Variants in FAM228B observed in about 807,000 individuals in gnomAD.
The protein encoded by FAM228B is family with sequence similarity 228 member B.
In FAM228B, 38 loss-of-function variants were observed where a neutral mutation model predicts 42.6. The ratio of observed to expected loss-of-function variants is 0.89; its 90% confidence interval spans 0.69 to 1.17. The LOEUF is 1.17. Among genes scored for constraint, FAM228B ranks in the 50% most tolerant of loss-of-function variants. FAM228B has a pLI of 0.00. For synonymous variants in FAM228B, 109 were observed against 122.3 expected (o/e 0.89, Z 0.72); for missense variants, 344 against 367.3 (o/e 0.94, Z 0.52).
intron 2 of FAM228B, among the ~76,000 whole-genome samples, chr2:24,133,528 AC>A (rs1423321232): frequency 4.5e-4 from 68 of 152,314 alleles, no homozygotes; most frequent in Non-Finnish European, 5.9e-5. Flanking sequence ...ACTTTCACTG[AC>A]AGTTAACTTG....
At chr2:24,169,634 CCTCA>C (rs1272041655) in exon 11 of FAM228B, 1 of 258,886 alleles carries the variant, frequency 3.9e-6, no homozygotes, top group Non-Finnish European at 8.4e-6. The surrounding 1 kb of genome is among the most constrained non-coding windows in gnomAD (Gnocchi z 4.2). Flanking sequence ...ATTACAGCTC[CCTCA>C]CTAAGTGTCC....
At chr2:24,079,937 T>C (rs760363635) in intron 1 of FAM228B, among the ~76,000 whole-genome samples, 2 of 152,150 alleles carry the variant, frequency 1.3e-5, no homozygotes, top group Non-Finnish European at 2.9e-5. Flanking sequence ...CCAGGCACGA[T>C]TGAGAACAGA....
chr2:24,149,995 A>T (rs1238269339), intron 7 of FAM228B, among the ~76,000 whole-genome samples: 1 of 152,232 alleles, frequency 6.6e-6, no homozygotes, highest in Non-Finnish European at 1.5e-5. Flanking sequence ...TGAAAACTTT[A>T]AACTTTGTCT....
chr2:24,081,753 A>G (rs995120798), intron 2 of FAM228B, among the ~76,000 whole-genome samples: 1 of 150,752 alleles, frequency 6.6e-6, no homozygotes, highest in Non-Finnish European at 1.5e-5. Flanking sequence ...CAGTGGCGCA[A>G]TCTTGGCTCA....
chr2:24,148,536 T>C (rs1666948228), intron 7 of FAM228B, among the ~76,000 whole-genome samples: 2 of 152,222 alleles, frequency 1.3e-5, no homozygotes, highest in Non-Finnish European at 2.9e-5. Context: ...AGATTTCTGC[T>C]TAGTATAGGA....
At chr2:24,127,887 TC>T (rs1331786935) in intron 2 of FAM228B, among the ~76,000 whole-genome samples, 2 of 152,240 alleles carry the variant, frequency 1.3e-5, no homozygotes, top group African/African-American at 4.8e-5. Flanking sequence ...GATCTTGAAC[TC>T]CTGGCCTCAA....
At chr2:24,136,053 C>CTTTTT (rs5829917) in intron 3 of FAM228B, among the ~76,000 whole-genome samples, 5 of 35,794 alleles carry the variant, frequency 1.4e-4, no homozygotes, top group Non-Finnish European at 1.8e-4. Flanking sequence ...GATAACCCTT[C>CTTTTT]TTTTTTTTTT....
intron 2 of FAM228B, among the ~76,000 whole-genome samples, chr2:24,086,688 G>A (rs1057328539): frequency 3.3e-5 from 5 of 152,184 alleles, no homozygotes; most frequent in Admixed American, 6.5e-5. Context: ...CAATCTGGAA[G>A]CTAGAAGAGA....
At chr2:24,140,475 C>T (rs1033187595) in intron 5 of FAM228B, among the ~76,000 whole-genome samples, 1 of 151,952 alleles carries the variant, frequency 6.6e-6, no homozygotes, top group African/African-American at 2.4e-5. Flanking sequence ...CTGTGCCTGG[C>T]CTTATCTTGT....
At position 24,083,421 on chromosome 2, in the gene FAM228B, G is replaced by C. The variant is rs36099121; in HGVS notation, c.-210+2466G>C. On this transcript the variant is annotated intron_variant, in intron 2 of 10. Coordinates refer to the FAM228B transcript ENST00000613899. ...CCCTTGCTTTACAGATGGAGAAACT[G>C]AGTCCCAGACGGGAAATAATAGTAG... 3.0e-4 allele frequency among the ~76,000 whole-genome samples: 45 copies of C among 152,250 alleles called. No individual in the cohort carries two copies. In the East Asian group the frequency reaches 8.3e-3, roughly 28 times the overall value.
At chr2:24,133,298 CT>C (rs34062664) in intron 2 of FAM228B, among the ~76,000 whole-genome samples, 17,636 of 152,154 alleles carry the variant, frequency 0.12, 1,230 homozygotes, top group South Asian at 0.18. Flanking sequence ...TCACTACCCC[CT>C]ATCTGAGTAC....
Position 24,096,996 on chromosome 2 carries a change from C to G in FAM228B, c.-121+1767C>G, listed in dbSNP as rs187583723. 10 of 152,230 alleles carry G rather than the reference C, an allele frequency of 6.6e-5. No homozygotes were observed. In the East Asian group the frequency reaches 1.4e-3, roughly 21 times the overall value. The allele number at this position is 152,230 out of a possible 1,614,324, so 9.4% of individuals were successfully genotyped here. On this transcript the variant is annotated intron_variant, in intron 3 of 10. Coordinates refer to the FAM228B transcript ENST00000613899. The stretch of plus-strand genomic sequence containing the variant: ...ATATTCAACATTCTTAAAGAATTTT[C>G]AACCCAGAATTTCATATCTAGCCAA...
intron 7 of FAM228B, among the ~76,000 whole-genome samples, chr2:24,148,881 C>T (rs1666957534): frequency 6.6e-6 from 1 of 152,182 alleles, no homozygotes; most frequent in African/African-American, 2.4e-5. Context: ...CCTCCCAATA[C>T]ACTTCCCAGC....
intron 3 of FAM228B, chr2:24,097,028 C>T (rs1213774214): frequency 2.0e-5 from 3 of 152,076 alleles, no homozygotes; most frequent in African/African-American, 7.2e-5. Flanking sequence ...CCAAACTAAG[C>T]TTCATAAGTA....
chr2:24,102,039 G>A (rs1665620235), intron 3 of FAM228B, among the ~76,000 whole-genome samples: 5 of 152,070 alleles, frequency 3.3e-5, no homozygotes, highest in Admixed American at 2.6e-4. Context: ...AAATTAGATG[G>A]GAAAAAAATT....
chr2:24,124,506 C>G (rs1284169521), intron 2 of FAM228B, 46 bp downstream of exon 2: 28 of 1,251,414 alleles, frequency 2.2e-5, no homozygotes, highest in Non-Finnish European at 3.0e-5. Context: ...TTACTTGGAT[C>G]GTTGCAGTAG....
chr2:24,109,772 G>C (rs975218795), intron 3 of FAM228B, among the ~76,000 whole-genome samples: 1 of 152,152 alleles, frequency 6.6e-6, no homozygotes, highest in African/African-American at 2.4e-5. Flanking sequence ...TTATTAAAAA[G>C]TCAAAAAATA....
intron 3 of FAM228B, chr2:24,096,234 G>A (rs1332832191): frequency 2.0e-5 from 3 of 152,178 alleles, no homozygotes; most frequent in Non-Finnish European, 2.9e-5. Flanking sequence ...TCCTCCAAAG[G>A]ATCGCAACTC....
chr2:24,136,349 A>G (rs1361723747), intron 3 of FAM228B, among the ~76,000 whole-genome samples: 1 of 152,032 alleles, frequency 6.6e-6, no homozygotes, highest in Non-Finnish European at 1.5e-5. Context: ...TCAACCTCCC[A>G]AGTAGCTGGG....
Sources: gnomAD v4.1 joint callset for allele counts (sites outside exome capture counted in the v4.1 genomes callset) on GRCh38, gnomAD v4.1.1 for gene constraint, Gnocchi (gnomAD v3.1) non-coding constraint, MANE v1.5 for transcripts, NCBI Gene and HGNC (gene_info 2026-07-23, HGNC 2026-07-21) for gene names.